GSE1: variants seen among roughly 807,000 people sequenced by gnomAD.
The protein encoded by GSE1 is Gse1 coiled-coil protein.
A neutral mutation model predicts 112.6 loss-of-function variants in GSE1; 32 were observed. The ratio of observed to expected loss-of-function variants is 0.28; its 90% CI spans 0.21 to 0.38. The LOEUF (loss-of-function observed/expected upper bound fraction) is 0.38, where lower values mean the gene tolerates loss of function less well. Ranked by LOEUF, GSE1 falls within the 10% of genes least tolerant of loss-of-function variation. The pLI is 1.00. For missense variants in GSE1, 2,348 were observed against 1,699.2 expected (o/e 1.38, Z -6.71); for synonymous variants, 1,115 against 735.6 (o/e 1.52, Z -8.35).
chr16:85,519,037 G>A (rs1033110806), intron 2 of GSE1, among the ~76,000 whole-genome samples: 4 of 152,320 alleles, frequency 2.6e-5, no homozygotes, highest in African/African-American at 9.6e-5. Flanking sequence ...ATGTATGGCT[G>A]CAGATCACTT....
chr16:85,478,927 C>CTCTT (rs371002413), intron 2 of GSE1, among the ~76,000 whole-genome samples: 1 of 28,046 alleles, frequency 3.6e-5, no homozygotes, highest in East Asian at 9.1e-4. Context: ...TTCTTTCTTT[C>CTCTT]TCTTTCTTTC....
chr16:85,475,088 G>C (rs546664166), intron 2 of GSE1, among the ~76,000 whole-genome samples: 2 of 152,088 alleles, frequency 1.3e-5, no homozygotes, highest in South Asian at 2.1e-4. Flanking sequence ...AACACTCCCC[G>C]ATGGGTTAAT....
chr16:85,551,955 A>C (rs1190830058), upstream of GSE1, among the ~76,000 whole-genome samples: 1 of 151,392 alleles, frequency 6.6e-6, no homozygotes, highest in African/African-American at 2.4e-5. Flanking sequence ...GGTCTGGCCT[A>C]CCCACCGCCA....
chr16:85,464,105 T>G (rs2050056853), intron 2 of GSE1, among the ~76,000 whole-genome samples: 1 of 151,810 alleles, frequency 6.6e-6, no homozygotes, highest in Admixed American at 6.6e-5. Context: ...GCCTGGCCCC[T>G]CCTGGCTGCC....
chr16:85,332,170 C>T (rs1262495960), intron 1 of GSE1, among the ~76,000 whole-genome samples: 3 of 152,128 alleles, frequency 2.0e-5, no homozygotes, highest in African/African-American at 7.2e-5. Context: ...CCAGAGGTGA[C>T]TCATATGTAG....
chr16:85,219,121 G>A (rs183914790), intron 1 of GSE1, among the ~76,000 whole-genome samples: 4 of 152,168 alleles, frequency 2.6e-5, no homozygotes, highest in Admixed American at 2.0e-4. Flanking sequence ...CTCATGATCC[G>A]CCCACCTCAG....
At chr16:85,322,843 T>C (rs868576878) in intron 1 of GSE1, among the ~76,000 whole-genome samples, 5 of 152,128 alleles carry the variant, frequency 3.3e-5, no homozygotes, top group African/African-American at 1.2e-4. Flanking sequence ...CTCGAACTTC[T>C]GACCTCAAGT....
chr16:85,196,930 G>C lies in GSE1; in HGVS notation c.2283+25123G>C, dbSNP rs188498298. On this transcript the variant is annotated intron_variant, in intron 1 of 2. Coordinates refer to the GSE1 transcript ENST00000637419. ...TGTGAATATGTGTCCAGGACACTTG[G>C]AGAAGCCTGTACTGCGTCAGAGGAT... is the stretch of plus-strand genomic sequence containing the variant. Among the ~76,000 whole-genome samples the C allele has an allele frequency of 3.3e-4, 51 of 152,324 alleles. 1 individual carries two copies. The Middle Eastern group carries it at 0.01, about 30-fold the overall frequency.
intron 1 of GSE1, among the ~76,000 whole-genome samples, chr16:85,271,271 C>T (rs1422346601): frequency 1.3e-5 from 2 of 152,174 alleles, no homozygotes; most frequent in East Asian, 1.9e-4. Context: ...GGGTGACTGG[C>T]TGAAGCCCAC....
intron 1 of GSE1, among the ~76,000 whole-genome samples, chr16:85,174,986 G>T (rs1028892799): frequency 6.6e-6 from 1 of 152,222 alleles, no homozygotes; most frequent in South Asian, 2.1e-4. Context: ...CTGCGGGGAA[G>T]CCACTCAGCT....
intron 1 of GSE1, chr16:85,580,015 G>GAATGC (rs1426987880): frequency 1.3e-5 from 2 of 152,288 alleles, no homozygotes; most frequent in Non-Finnish European, 2.9e-5. Flanking sequence ...AAATAAAGTG[G>GAATGC]AATGCATGTT....
chr16:85,246,740 G>T (rs930134006), intron 1 of GSE1, among the ~76,000 whole-genome samples: 1 of 152,038 alleles, frequency 6.6e-6, no homozygotes, highest in Non-Finnish European at 1.5e-5. Flanking sequence ...GCAGCCAAAG[G>T]CACTGTGCCT....
intron 2 of GSE1, among the ~76,000 whole-genome samples, chr16:85,640,301 A>C (rs2151808350): frequency 6.6e-6 from 1 of 152,302 alleles, no homozygotes; most frequent in African/African-American, 2.4e-5. Context: ...AAGCTGCCAG[A>C]GGCCTCTCCA....
chr16:85,275,723 C>T (rs1161139225), intron 1 of GSE1, among the ~76,000 whole-genome samples: 1 of 152,162 alleles, frequency 6.6e-6, no homozygotes, highest in Admixed American at 6.5e-5. Flanking sequence ...CAGCCCTCCG[C>T]GTGGGGCCCT....
At chr16:85,588,615 T>C (rs1335983084) in intron 1 of GSE1, among the ~76,000 whole-genome samples, 1 of 152,268 alleles carries the variant, frequency 6.6e-6, no homozygotes, top group Non-Finnish European at 1.5e-5. Context: ...TGATAGGCCC[T>C]GTCTGTGACC....
At chr16:85,620,677 C>T (rs374711973) in intron 1 of GSE1, among the ~76,000 whole-genome samples, 1 of 152,272 alleles carries the variant, frequency 6.6e-6, no homozygotes, top group Non-Finnish European at 1.5e-5. Flanking sequence ...CCTGGGCTGG[C>T]GCCCCACTCA....
intron 1 of GSE1, among the ~76,000 whole-genome samples, chr16:85,252,559 G>A (rs1906605720): frequency 6.6e-6 from 1 of 152,240 alleles, no homozygotes; most frequent in African/African-American, 2.4e-5. Context: ...GCTCAAGTCA[G>A]GGTCAGGTGT....
chr16:85,653,890 G>C (rs973391342), intron 3 of GSE1, among the ~76,000 whole-genome samples: 2 of 152,208 alleles, frequency 1.3e-5, no homozygotes, highest in African/African-American at 4.8e-5. Flanking sequence ...AACGGTGTCT[G>C]CTTCCCCGGG....
intron 2 of GSE1, among the ~76,000 whole-genome samples, chr16:85,465,826 G>A (rs1466586537): frequency 6.6e-6 from 1 of 152,250 alleles, no homozygotes; most frequent in Non-Finnish European, 1.5e-5. Context: ...TGAGTATGTA[G>A]TAGGTGCCCA....
Sources: gnomAD v4.1 joint callset for allele counts (sites outside exome capture counted in the v4.1 genomes callset) on GRCh38, gnomAD v4.1.1 for gene constraint, MANE v1.5 for transcripts, NCBI Gene and HGNC (gene_info 2026-07-23, HGNC 2026-07-21) for gene names.